SLC2A14: variants seen among roughly 807,000 people sequenced by gnomAD.
The protein encoded by SLC2A14 is solute carrier family 2 member 14, also known as solute carrier family 2, facilitated glucose transporter member 14.
In SLC2A14, 13 loss-of-function variants were observed where a neutral mutation model predicts 43.0. The observed-to-expected ratio is 0.30, with a 90% CI of 0.20 to 0.48. The LOEUF (loss-of-function observed/expected upper bound fraction) is 0.48. SLC2A14 is among the 20% of genes least tolerant of loss of function. SLC2A14 has a pLI of 0.99. For synonymous variants in SLC2A14, 190 were observed against 233.8 expected (o/e 0.81, Z 1.71); for missense variants, 428 against 620.4 (o/e 0.69, Z 3.29).
At chr12:7,841,762 C>G (rs1469305252) in intron 2 of SLC2A14, among the ~76,000 whole-genome samples, 2 of 152,046 alleles carry the variant, frequency 1.3e-5, no homozygotes, top group Non-Finnish European at 2.9e-5. Flanking sequence ...AATCCCAGAA[C>G]TTTGGGAGGC....
At chr12:7,830,117 T>A in intron 4 of SLC2A14, 111 bp from the exon 5 acceptor site, 1 of 1,384,672 alleles carries the variant, frequency 7.2e-7, no homozygotes, top group East Asian at 2.3e-5. Context: ...AACTCCTTTT[T>A]TGGTCTAACT....
At chr12:7,831,444 C>T (rs1439588935) in intron 4 of SLC2A14, 160 bp downstream of exon 4, 14 of 1,073,280 alleles carry the variant, frequency 1.3e-5, no homozygotes, top group Non-Finnish European at 1.7e-5. Flanking sequence ...GAGCTCCAAG[C>T]AAGGGCAGTC....
At chr12:7,865,276 A>G (rs953722932) in intron 2 of SLC2A14, among the ~76,000 whole-genome samples, 3 of 152,102 alleles carry the variant, frequency 2.0e-5, no homozygotes, top group Admixed American at 6.6e-5. Context: ...GGTGGCTCCC[A>G]CCTGTAATCC....
chr12:7,863,252 G>A, intron 2 of SLC2A14: 1 of 370,274 alleles, frequency 2.7e-6, no homozygotes, highest in Non-Finnish European at 5.4e-6. Context: ...GAAGTCTGCA[G>A]CTTCACTCCT....
chr12:7,853,312 G>A (rs780094460), intron 2 of SLC2A14, among the ~76,000 whole-genome samples: 5 of 150,818 alleles, frequency 3.3e-5, no homozygotes, highest in Admixed American at 1.3e-4. Context: ...GGTGGTGCGC[G>A]CCTGTAATCC....
chr12:7,882,226 G>A (rs746478863), intron 1 of SLC2A14, among the ~76,000 whole-genome samples: 7 of 151,918 alleles, frequency 4.6e-5, no homozygotes, highest in South Asian at 2.1e-4. Flanking sequence ...GAAGCCCACC[G>A]GGAGAAACGA....
intron 2 of SLC2A14, among the ~76,000 whole-genome samples, chr12:7,842,212 T>C (rs1264668897): frequency 6.6e-6 from 1 of 152,210 alleles, no homozygotes; most frequent in East Asian, 1.9e-4. Context: ...TGTCTTTTCG[T>C]GGCTCATTTC....
chr12:7,836,512 G>T lies in SLC2A14; in HGVS notation c.19-3698C>A, dbSNP rs569811102. 8.9e-3 allele frequency among the ~76,000 whole-genome samples: 1,360 copies of T among 152,226 alleles called. 16 individuals are homozygous for T. Among genetic ancestry groups the T allele is most frequent in the Non-Finnish European group, 0.014 (962 of 68,008 alleles). Reference sequence around the variant, plus strand: ...TGGGATTACAGGCGTGAGCCACTGAGCCCAGCCCAACCACAGATGTAATTA... The same window carrying T: ...TGGGATTACAGGCGTGAGCCACTGATCCCAGCCCAACCACAGATGTAATTA... On this transcript the variant is annotated intron_variant, in intron 2 of 10. Coordinates refer to ENST00000431042, the MANE Select transcript of SLC2A14 (RefSeq NM_001286234.2).
chr12:7,880,001 C>CA (rs1309985254), intron 1 of SLC2A14, among the ~76,000 whole-genome samples: 1 of 150,354 alleles, frequency 6.7e-6, no homozygotes, highest in Non-Finnish European at 1.5e-5. Context: ...GTGACATCTC[C>CA]AAAAAAATAA....
chr12:7,828,599 C>G, intron 6 of SLC2A14, 105 bp downstream of exon 6: 3 of 1,227,488 alleles, frequency 2.4e-6, no homozygotes, highest in Non-Finnish European at 2.3e-6. Context: ...CACTTGGATT[C>G]TGACGGGCAG....
chr12:7,853,364 G>A (rs1024459912), intron 2 of SLC2A14, among the ~76,000 whole-genome samples: 5 of 150,192 alleles, frequency 3.3e-5, no homozygotes, highest in African/African-American at 7.4e-5. Context: ...GCTTGAACCC[G>A]GGAGGTGGAG....
chr12:7,877,271 T>A (rs928454547), upstream of SLC2A14, among the ~76,000 whole-genome samples: 2 of 152,054 alleles, frequency 1.3e-5, no homozygotes, highest in South Asian at 4.2e-4. Context: ...GTGCTAGGGC[T>A]ACAGGCGTGA....
chr12:7,855,463 AC>A (rs1867281892), intron 2 of SLC2A14, among the ~76,000 whole-genome samples: 1 of 151,484 alleles, frequency 6.6e-6, no homozygotes, highest in Non-Finnish European at 1.5e-5. Flanking sequence ...TTTGATGACC[AC>A]CCCCTTGCTC....
intron 7 of SLC2A14, among the ~76,000 whole-genome samples, chr12:7,826,450 A>T (rs1442623426): frequency 6.6e-6 from 1 of 152,180 alleles, no homozygotes; most frequent in African/African-American, 2.4e-5. Flanking sequence ...AGAAAAGGCC[A>T]AGAACCAACT....
rs1039701030 is a variant in SLC2A14, at chr12:7,826,930, C to T, written c.864+565G>A. 2.0e-3 allele frequency among the ~76,000 whole-genome samples: 128 copies of T among 64,104 alleles called. 2 individuals are homozygous for T. The highest frequency in any genetic ancestry group is 5.3e-3 in the African/African-American group (111 of 20,942). 42.1% of individuals were successfully genotyped at this position (64,104 alleles called of 152,430 possible). A position where few individuals can be genotyped will look rare whatever the true frequency, so the allele number is the denominator to read the frequency against. On this transcript the variant is annotated intron_variant, in intron 7 of 10. Transcript: ENST00000431042. ...CTTTCTTTCTTTTTCCTTTTTCTTT[C>T]CTTTCCTTTCCTTTCTTTCCTTTCT...
intron 1 of SLC2A14, chr12:7,871,178 C>T (rs1945211723): frequency 1.6e-6 from 2 of 1,261,538 alleles, no homozygotes; most frequent in African/African-American, 3.1e-5. Flanking sequence ...AACGCCTTCA[C>T]CTGCTTCAAC....
chr12:7,866,397 G>A (rs1476584863), intron 2 of SLC2A14, among the ~76,000 whole-genome samples: 3 of 151,828 alleles, frequency 2.0e-5, no homozygotes, highest in Non-Finnish European at 2.9e-5. Context: ...GTCTTGCTCT[G>A]TCGCCTAGGC....
At chr12:7,873,363 C>G (rs1471667744), upstream of SLC2A14, 1 of 985,146 alleles carries the variant, frequency 1.0e-6, no homozygotes, top group African/African-American at 1.7e-5. Flanking sequence ...TATTTCGGGC[C>G]GCGCACGGTG....
intron 2 of SLC2A14, among the ~76,000 whole-genome samples, chr12:7,867,794 G>A (rs1175961671): frequency 1.3e-5 from 2 of 149,284 alleles, no homozygotes; most frequent in African/African-American, 4.9e-5. Context: ...GCAGTGAGCC[G>A]AGATCGTTCC....
Sources: gnomAD v4.1 joint callset for allele counts (sites outside exome capture counted in the v4.1 genomes callset) on GRCh38, gnomAD v4.1.1 for gene constraint, MANE v1.5 for transcripts, NCBI Gene and HGNC (gene_info 2026-07-23, HGNC 2026-07-21) for gene names.